DENND4B: variants seen among roughly 807,000 people sequenced by gnomAD.
DENND4B encodes the protein DENN domain containing 4B.
DENND4B carries 67 observed loss-of-function variants against 161.0 expected under a neutral mutation model. That is an observed-to-expected ratio of 0.42 (90% CI 0.34 to 0.51). The LOEUF (loss-of-function observed/expected upper bound fraction) is 0.51. Among genes scored for constraint, DENND4B ranks in the 20% least tolerant of loss-of-function variants. The probability of loss-of-function intolerance (pLI) is 0.08; values close to 1 mark genes in which losing one functional copy is unlikely to be tolerated. For synonymous variants in DENND4B, 753 were observed against 813.8 expected, an observed-to-expected ratio of 0.93 and a Z score of 1.27; for missense variants, 1,481 against 1,968.0, an observed-to-expected ratio of 0.75 and a Z score of 4.68.
At position 153,938,895 on chromosome 1, in the gene DENND4B, G is replaced by A. The variant is rs1330498945; in HGVS notation, c.1965+5C>T. ...GCCAATGAGCACATAGAGAAGGGATGATACCTTTTCAACACAAGAGTCAAA... is the reference window on the plus strand; with the variant it reads ...GCCAATGAGCACATAGAGAAGGGATAATACCTTTTCAACACAAGAGTCAAA... On this transcript the variant is annotated splice_donor_5th_base_variant and intron_variant, in intron 13 of 27. Coordinates refer to ENST00000361217, the MANE Select transcript of DENND4B (RefSeq NM_014856.3). The A allele has an allele frequency of 2.5e-6, 4 of 1,578,476 alleles. No homozygotes were observed. The East Asian group carries it at 9.2e-5, about 36-fold the overall frequency.
Position 153,937,597 on chromosome 1 carries a change from T to A in DENND4B, c.2123A>T (p.Glu708Val). The A allele has an allele frequency of 6.2e-7, 1 of 1,612,766 alleles. No homozygotes were observed. Among genetic ancestry groups the A allele is most frequent in the Non-Finnish European group, 8.5e-7 (1 of 1,179,198 alleles). Residue 708 changes from glutamate (E) to valine (V), a missense_variant, in exon 15 of 28, where the codon GAG (glutamate) becomes GTG (valine). Physicochemically the swap from Glu to Val is moderately radical, Grantham distance 121. This residue lies in a region of DENND4B where 806 missense variants were observed against 1,134.4 expected (regional missense o/e 0.71). Transcript: ENST00000361217. The surrounding 1 kb of genome is among the most constrained non-coding windows in gnomAD (Gnocchi z 4.7). ...AGACTCAAACAACTCAGCCCGTAGC[T>A]CTGGGAATCCATCATAGCTGGAGGG... is the stretch of plus-strand genomic sequence containing the variant. ...TPQYCYDGFP[E>V]LRAELFESLQ...
chr1:153,946,750 C>T (rs1412396924), upstream of DENND4B: 1 of 374,180 alleles, frequency 2.7e-6, no homozygotes, highest in Non-Finnish European at 4.7e-6. This position sits in a 1 kb window ranked among gnomAD's most constrained non-coding sequence, Gnocchi z 6.3. Context: ...AGCCCGACCC[C>T]TGGCGGCTGG....
chr1:153,941,773 C>CGGGGGGGGGGG, intron 6 of DENND4B, 96 bp downstream of exon 6: 11 of 1,426,296 alleles, frequency 7.7e-6, no homozygotes, highest in South Asian at 1.3e-5. Context: ...ACCCTGTGCC[C>CGGGGGGGGGGG]AGCCCTCCCC....
intron 17 of DENND4B, among the ~76,000 whole-genome samples, chr1:153,935,490 G>A (rs768173046): frequency 2.0e-5 from 3 of 152,202 alleles, no homozygotes; most frequent in Non-Finnish European, 4.4e-5. Context: ...GGGACTACAG[G>A]CACCCACCAC....
upstream of DENND4B, chr1:153,946,781 T>C (rs1479526123): frequency 5.5e-6 from 2 of 365,934 alleles, no homozygotes; most frequent in Non-Finnish European, 9.7e-6. The surrounding 1 kb of genome is among the most constrained non-coding windows in gnomAD (Gnocchi z 6.3). Context: ...TGCACCCAGG[T>C]AGCTTCCCAC....
At chr1:153,935,117 C>T in intron 17 of DENND4B, 153 bp from the exon 18 acceptor site, 1 of 1,424,378 alleles carries the variant, frequency 7.0e-7, no homozygotes, top group Non-Finnish European at 9.2e-7. Flanking sequence ...GAACAAGAGC[C>T]CAGAAGAGAC....
rs2102038744 is a variant in DENND4B at position 153,937,148 on chromosome 1, A to G, written c.2232+340T>C. ...TTCTCTGAGGAAGGGTCTGTGCTCTAAGGAGGAGAAGGGATGCTGTACTTC... is the reference window on the plus strand; with the variant it reads ...TTCTCTGAGGAAGGGTCTGTGCTCTGAGGAGGAGAAGGGATGCTGTACTTC... On this transcript the variant is annotated intron_variant, in intron 15 of 27. Coordinates refer to ENST00000361217, the MANE Select transcript of DENND4B (RefSeq NM_014856.3). This position sits in a 1 kb window ranked among gnomAD's most constrained non-coding sequence, Gnocchi z 4.7. Among the ~76,000 whole-genome samples, 1 of 152,250 alleles carries G rather than the reference A, an allele frequency of 6.6e-6. No homozygotes were observed. The highest frequency in any genetic ancestry group is 1.9e-4 in the East Asian group (1 of 5,182).
In DENND4B at chr1:153,942,929, C is replaced by T; in HGVS notation, c.519G>A (p.Glu173=). The T allele has an allele frequency of 6.2e-7, 1 of 1,612,498 alleles. No homozygotes were observed. Among genetic ancestry groups the T allele is most frequent in the Non-Finnish European group, 8.5e-7 (1 of 1,178,872 alleles). Residue 173 remains glutamate, a synonymous_variant, in exon 3 of 28, where the codon GAG becomes GAA. Transcript: ENST00000361217. This position sits in a 1 kb window ranked among gnomAD's most constrained non-coding sequence, Gnocchi z 6.9. The part of the protein sequence containing the change: ...DLCLVLPSKG[E]GTPHTYCRLP... ...GCCGGCAGTAAGTATGAGGAGTGCC[C>T]TCGCCCTTACTGGGCAGCACCAGGC...
chr1:153,939,249 T>G (rs532952854), intron 12 of DENND4B, among the ~76,000 whole-genome samples: 19 of 151,412 alleles, frequency 1.3e-4, no homozygotes, highest in Admixed American at 1.1e-3. Flanking sequence ...CCTCCCTTTG[T>G]CTGCCTGTAC....
intron 2 of DENND4B, 80 bp downstream of exon 2, chr1:153,943,978 G>A: frequency 4.9e-6 from 7 of 1,427,792 alleles, no homozygotes; most frequent in Non-Finnish European, 6.5e-6. Flanking sequence ...CCCTTCCCTT[G>A]TTCCATAGTC....
At position 153,946,496 on chromosome 1, in the gene DENND4B, G is replaced by A. The variant is rs1442427907; in HGVS notation, c.-219C>T. The A allele has an allele frequency of 1.3e-5, 5 of 389,704 alleles. No individual in the cohort carries two copies. The highest frequency in any genetic ancestry group is 4.2e-5 in the African/African-American group (2 of 48,188). 24.1% of individuals were successfully genotyped at this position (389,704 alleles called of 1,614,324 possible). A position where few individuals can be genotyped will look rare whatever the true frequency, so the allele number is the denominator to read the frequency against. On this transcript the variant is annotated 5_prime_UTR_variant, in exon 1 of 28. Transcript: ENST00000361217. The surrounding 1 kb of genome is among the most constrained non-coding windows in gnomAD (Gnocchi z 6.3). ...CGCGGGGCGCAGTGGAAGGAGATCC[G>A]GGCGGTCCCCGCGTCCCCGCCGCGC...
chr1:153,941,591 A>T (rs1158318075), intron 6 of DENND4B, among the ~76,000 whole-genome samples, 151 bp from the exon 7 acceptor site: 1 of 152,106 alleles, frequency 6.6e-6, no homozygotes, highest in Non-Finnish European at 1.5e-5. Context: ...AACCTCCATT[A>T]TGCATATAAT....
chr1:153,940,257 C>T lies in DENND4B; in HGVS notation c.1503-1G>A. On this transcript the variant is annotated splice_acceptor_variant, in intron 10 of 27. Coordinates refer to ENST00000361217, the MANE Select transcript of DENND4B (RefSeq NM_014856.3). LOFTEE classifies it high-confidence loss of function. The surrounding 1 kb of genome is among the most constrained non-coding windows in gnomAD (Gnocchi z 5.6). ...GGAGAGGAGCTTCTTTTCCTCAGTC[C>T]TGTGAGAAAAGCATAAGGGGAAAGA... The T allele has an allele frequency of 1.3e-6, 2 of 1,593,434 alleles. No individual in the cohort carries two copies. Among genetic ancestry groups the T allele is most frequent in the Non-Finnish European group, 8.5e-7 (1 of 1,170,806 alleles).
At chr1:153,945,123 C>T (rs113935752) in intron 1 of DENND4B, 11 of 1,289,510 alleles carry the variant, frequency 8.5e-6, no homozygotes, top group Middle Eastern at 2.1e-4. Flanking sequence ...CCCACAACAG[C>T]CTAGTTCTCA....
rs1553202415 is a variant in DENND4B, at chr1:153,932,557, GAT to G, written c.3759+83_3759+84del. 5.1e-6 allele frequency: 8 copies of G among 1,567,530 alleles called. No individual in the cohort carries two copies. Among genetic ancestry groups the G allele is most frequent in the Non-Finnish European group, 6.1e-6 (7 of 1,155,390 alleles). Reference sequence around the variant, plus strand: ...ATGCCCCTTGCCCTCAAGGGCAAGAGATGTGCCCATCTCTCCCTGGCACCCCA... The same window carrying G: ...ATGCCCCTTGCCCTCAAGGGCAAGAGGTGCCCATCTCTCCCTGGCACCCCA... On this transcript the variant is annotated intron_variant, in intron 23 of 27. Transcript: ENST00000361217. This position sits in a 1 kb window ranked among gnomAD's most constrained non-coding sequence, Gnocchi z 5.8.
chr1:153,941,173 C>T (rs979306688), intron 8 of DENND4B, 58 bp downstream of exon 8: 117 of 1,602,894 alleles, frequency 7.3e-5, no homozygotes, highest in Non-Finnish European at 9.4e-5. Context: ...CCCACCTGCC[C>T]AGCACCTACC....
Position 153,931,056 on chromosome 1 carries a change from A to G in DENND4B, c.4005T>C (p.Ser1335=). ...CDGPSHSQAP[S]PWLTPDPASV... ...AGGCTGGATCAGGGGTTAGCCAAGG[A>G]GATGGGGCCTGGGGGAGCCAAGATA... Residue 1335 remains serine (S), a synonymous_variant, in exon 25 of 28, where the codon TCT becomes TCC. Coordinates refer to ENST00000361217, the MANE Select transcript of DENND4B (RefSeq NM_014856.3). The G allele has an allele frequency of 6.2e-7, 1 of 1,610,610 alleles. No homozygotes were observed. The highest frequency in any genetic ancestry group is 8.5e-7 in the Non-Finnish European group (1 of 1,178,656).
rs1188363638 is a variant in DENND4B, at chr1:153,934,017, T to G, written c.2941+118A>C. The G allele has an allele frequency of 6.8e-7, 1 of 1,471,950 alleles. No individual in the cohort carries two copies. The highest frequency in any genetic ancestry group is 1.4e-5 in the African/African-American group (1 of 69,844). 91.2% of individuals were successfully genotyped at this position (1,471,950 alleles called of 1,614,324 possible). Reference sequence around the variant, plus strand: ...TATTCTGGGCGAGATTCCCTCAGAATCTACAGCACCCACCACAGAGGGCCG... The same window carrying G: ...TATTCTGGGCGAGATTCCCTCAGAAGCTACAGCACCCACCACAGAGGGCCG... On this transcript the variant is annotated intron_variant, in intron 19 of 27. Transcript: ENST00000361217. The surrounding 1 kb of genome is among the most constrained non-coding windows in gnomAD (Gnocchi z 5.3).
intron 24 of DENND4B, among the ~76,000 whole-genome samples, chr1:153,931,699 T>C (rs1557844641): frequency 6.6e-6 from 1 of 151,562 alleles, no homozygotes; most frequent in Non-Finnish European, 1.5e-5. Flanking sequence ...GGTTTCACCG[T>C]GTTAGCCACG....
Sources: allele counts gnomAD v4.1 joint callset (sites outside exome capture counted in the v4.1 genomes callset), GRCh38; gene constraint gnomAD v4.1.1; regional missense constraint gnomAD v4.1.1; non-coding constraint Gnocchi (gnomAD v3.1); transcripts MANE v1.5; gene names NCBI Gene and HGNC (gene_info 2026-07-23, HGNC 2026-07-21).